Variants in ESRRG observed in about 807,000 individuals in gnomAD.
ESRRG encodes the protein estrogen-related receptor gamma.
A neutral mutation model predicts 44.0 loss-of-function variants in ESRRG; 13 were observed. The ratio of observed to expected loss-of-function variants is 0.30; its 90% CI spans 0.19 to 0.47. The LOEUF (loss-of-function observed/expected upper bound fraction) is 0.47, where lower values mean the gene tolerates loss of function less well. Among genes scored for constraint, ESRRG ranks in the 20% least tolerant of loss-of-function variants. The pLI, the probability that ESRRG is intolerant of heterozygous loss-of-function variation, is 1.00. For synonymous variants in ESRRG, 215 were observed against 214.6 expected (o/e 1.00, Z -0.02); for missense variants, 395 against 580.6 (o/e 0.68, Z 3.29).
At chr1:216,796,813 C>T (rs1166586391) in intron 2 of ESRRG, among the ~76,000 whole-genome samples, 4 of 152,164 alleles carry the variant, frequency 2.6e-5, no homozygotes, top group Non-Finnish European at 5.9e-5. Flanking sequence ...TTCTATGACA[C>T]TCTTTCCCAG....
At position 216,519,974 on chromosome 1, in the gene ESRRG, T is replaced by C. The variant is rs555660704; in HGVS notation, c.863-553A>G. ...TGATGAGTTACAAATAGGTGAGCCT[T>C]CTTAATTGGCTATTTCTCCCCACTG... On this transcript the variant is annotated intron_variant, in intron 5 of 6. Coordinates refer to ENST00000408911, the MANE Select transcript of ESRRG (RefSeq NM_001438.4). 2.0e-5 allele frequency among the ~76,000 whole-genome samples: 3 copies of C among 152,228 alleles called. No homozygotes were observed. The South Asian group carries it at 6.2e-4, about 32-fold the overall frequency.
chr1:216,893,447 T>C (rs771007010), intron 2 of ESRRG, among the ~76,000 whole-genome samples: 3 of 152,162 alleles, frequency 2.0e-5, no homozygotes, highest in Non-Finnish European at 2.9e-5. Flanking sequence ...TTTAAGGATA[T>C]AAATAAAATG....
chr1:217,058,402 G>C (rs1453856823), intron 1 of ESRRG, among the ~76,000 whole-genome samples: 1 of 152,090 alleles, frequency 6.6e-6, no homozygotes, highest in Non-Finnish European at 1.5e-5. Flanking sequence ...TCCTTTCTGA[G>C]TAGCATATTT....
intron 3 of ESRRG, among the ~76,000 whole-genome samples, chr1:216,638,275 T>C (rs778437745): frequency 1.3e-5 from 2 of 152,212 alleles, no homozygotes; most frequent in Non-Finnish European, 2.9e-5. Flanking sequence ...TATGTATAAT[T>C]ACAATCTCCA....
chr1:217,056,178 T>C (rs1157185655), intron 1 of ESRRG, among the ~76,000 whole-genome samples: 1 of 152,146 alleles, frequency 6.6e-6, no homozygotes, highest in Non-Finnish European at 1.5e-5. Flanking sequence ...GAATAACTAC[T>C]TGGAGCAGAA....
At chr1:217,135,530 G>A (rs1188970420) in intron 1 of ESRRG, among the ~76,000 whole-genome samples, 1 of 150,888 alleles carries the variant, frequency 6.6e-6, no homozygotes, top group Non-Finnish European at 1.5e-5. Context: ...GCGCGCGCGC[G>A]GCGGCGGCGG....
At position 216,815,260 on chromosome 1, in the gene ESRRG, G is replaced by A. The variant is rs139417006; in HGVS notation, c.-14+124322C>T. 6.1e-3 allele frequency among the ~76,000 whole-genome samples: 928 copies of A among 152,290 alleles called. 9 individuals carry two copies. The highest frequency in any genetic ancestry group is 0.034 in the Middle Eastern group (10 of 294). ...CTATGTGCCAGGCACCATGCTCAGG[G>A]CTTTAAAAGGATTACCTTGTACAAT... is the stretch of plus-strand genomic sequence containing the variant. On this transcript the variant is annotated intron_variant, in intron 2 of 7. Coordinates refer to the ESRRG transcript ENST00000359162.
chr1:216,686,374 T>C (rs998283189), intron 1 of ESRRG, among the ~76,000 whole-genome samples: 2 of 146,900 alleles, frequency 1.4e-5, no homozygotes, highest in Admixed American at 1.4e-4. Context: ...TATCTGCATA[T>C]ATATTTAATT....
intron 2 of ESRRG, among the ~76,000 whole-genome samples, chr1:216,765,522 TAGTTTATCA>T (rs1280313081): frequency 3.3e-5 from 5 of 152,246 alleles, no homozygotes; most frequent in Admixed American, 2.0e-4. Context: ...CAAGTTTACC[TAGTTTATCA>T]AGTTTATCAA....
At chr1:216,612,854 A>G (rs1468571228) in intron 3 of ESRRG, among the ~76,000 whole-genome samples, 1 of 152,236 alleles carries the variant, frequency 6.6e-6, no homozygotes, top group African/African-American at 2.4e-5. Flanking sequence ...CTATGCAAAT[A>G]CTGCTTACAA....
chr1:216,650,145 G>A (rs961629445), intron 3 of ESRRG, among the ~76,000 whole-genome samples: 13 of 152,056 alleles, frequency 8.5e-5, no homozygotes, highest in Non-Finnish European at 1.9e-4. Flanking sequence ...ATTTTCTGAA[G>A]AAAGGGAAAC....
chr1:216,593,629 G>C (rs930329471), intron 3 of ESRRG, among the ~76,000 whole-genome samples: 2 of 152,216 alleles, frequency 1.3e-5, no homozygotes, highest in African/African-American at 4.8e-5. Context: ...TCATTGTCTA[G>C]TTTGAAGTAA....
chr1:216,707,262 A>G, intron 1 of ESRRG: 1 of 1,365,476 alleles, frequency 7.3e-7, no homozygotes, highest in Non-Finnish European at 9.9e-7. Flanking sequence ...TAATCAGTCT[A>G]AAAAAATCAA....
intron 2 of ESRRG, among the ~76,000 whole-genome samples, chr1:216,746,378 ATAT>A: frequency 6.6e-6 from 1 of 152,294 alleles, no homozygotes; most frequent in South Asian, 2.1e-4. Context: ...AACTAATAAA[ATAT>A]TCATATTTAC....
At chr1:216,673,415 A>AGT (rs2075564577) in intron 2 of ESRRG, among the ~76,000 whole-genome samples, 1 of 152,250 alleles carries the variant, frequency 6.6e-6, no homozygotes, top group South Asian at 2.1e-4. Context: ...AGCCTCACCA[A>AGT]GTGCTGCGCA....
At chr1:216,575,135 T>C (rs1215422135) in intron 3 of ESRRG, among the ~76,000 whole-genome samples, 3 of 152,108 alleles carry the variant, frequency 2.0e-5, no homozygotes, top group Non-Finnish European at 2.9e-5. Context: ...AGTGTACCAG[T>C]TTAACCTAGA....
At chr1:216,917,287 G>T (rs2061322134) in intron 2 of ESRRG, among the ~76,000 whole-genome samples, 1 of 151,264 alleles carries the variant, frequency 6.6e-6, no homozygotes, top group African/African-American at 2.4e-5. Context: ...TGGTTAAAGT[G>T]AATCCCAGGG....
At position 216,800,540 on chromosome 1, in the gene ESRRG, T is replaced by C. The variant is rs527695088; in HGVS notation, c.-13-123049A>G. Among the ~76,000 whole-genome samples the C allele has an allele frequency of 1.5e-3, 235 of 152,298 alleles. 2 individuals carry two copies. Among genetic ancestry groups the C allele is most frequent in the African/African-American group, 5.3e-3 (221 of 41,562 alleles). The stretch of plus-strand genomic sequence containing the variant: ...AGGCACGAAAGCATCCCTTTAATAA[T>C]GATGTCATAATATACAGTACTGTAT... On this transcript the variant is annotated intron_variant, in intron 2 of 7. Transcript: ENST00000359162.
intron 5 of ESRRG, among the ~76,000 whole-genome samples, chr1:216,554,003 A>G (rs1405274352): frequency 6.6e-6 from 1 of 152,154 alleles, no homozygotes. Context: ...ACTGTTGCCA[A>G]TGAGTGATTT....
Sources: allele counts gnomAD v4.1 joint callset (sites outside exome capture counted in the v4.1 genomes callset), GRCh38; gene constraint gnomAD v4.1.1; transcripts MANE v1.5; gene names NCBI Gene and HGNC (gene_info 2026-07-23, HGNC 2026-07-21).